Variants in CC2D2A observed in about 807,000 individuals in gnomAD.
The protein encoded by CC2D2A is coiled-coil and C2 domain containing 2A.
In CC2D2A, 155 loss-of-function variants were observed where a neutral mutation model predicts 212.9. The ratio of observed to expected loss-of-function variants is 0.73; its 90% CI spans 0.64 to 0.83. The LOEUF (loss-of-function observed/expected upper bound fraction) is 0.83, where lower values mean the gene tolerates loss of function less well. Among genes scored for constraint, CC2D2A ranks in the 40% least tolerant of loss-of-function variants. The probability of loss-of-function intolerance (pLI) is 0.00; values close to 1 mark genes in which losing one functional copy is unlikely to be tolerated. For missense variants in CC2D2A, 1,856 were observed against 1,956.2 expected, an observed-to-expected ratio of 0.95 and a Z score of 0.97; for synonymous variants, 667 against 686.5, an observed-to-expected ratio of 0.97 and a Z score of 0.44.
chr4:15,479,551 T>C (rs1464332858), intron 3 of CC2D2A, among the ~76,000 whole-genome samples: 2 of 152,086 alleles, frequency 1.3e-5, no homozygotes, highest in Non-Finnish European at 2.9e-5. Flanking sequence ...GCTCCCCCCT[T>C]GCTCAGCACA....
intron 13 of CC2D2A, among the ~76,000 whole-genome samples, chr4:15,531,368 G>C (rs555713146): frequency 6.6e-6 from 1 of 152,280 alleles, no homozygotes; most frequent in East Asian, 1.9e-4. Context: ...TCCCTTTCCA[G>C]CCATTTGTCC....
chr4:15,551,537 C>A (rs1477748458), intron 18 of CC2D2A, among the ~76,000 whole-genome samples: 1 of 152,098 alleles, frequency 6.6e-6, no homozygotes, highest in Admixed American at 6.5e-5. Context: ...GCCATGAATT[C>A]ACTTTTTGGC....
At chr4:15,551,342 T>C (rs1056097066) in intron 18 of CC2D2A, among the ~76,000 whole-genome samples, 1 of 152,188 alleles carries the variant, frequency 6.6e-6, no homozygotes, top group South Asian at 2.1e-4. Flanking sequence ...GCCCAAAAAG[T>C]TTGAAATAAT....
chr4:15,487,126 T>C (rs1214294794), intron 4 of CC2D2A, among the ~76,000 whole-genome samples: 1 of 152,140 alleles, frequency 6.6e-6, no homozygotes, highest in Non-Finnish European at 1.5e-5. Context: ...CTGCAGCTGT[T>C]GGATGAAATG....
At chr4:15,561,880 C>T (rs1422846331) in intron 23 of CC2D2A, among the ~76,000 whole-genome samples, 1 of 152,178 alleles carries the variant, frequency 6.6e-6, no homozygotes, top group Non-Finnish European at 1.5e-5. Context: ...GTCACAGTGA[C>T]CTGAGTTTGA....
At chr4:15,573,419 T>C (rs989926755) in intron 28 of CC2D2A, among the ~76,000 whole-genome samples, 5 of 152,170 alleles carry the variant, frequency 3.3e-5, no homozygotes, top group African/African-American at 1.2e-4. Context: ...GCCTCCCAAG[T>C]AGCTGGGACC....
chr4:15,480,752 G>A lies in CC2D2A; in HGVS notation c.172G>A (p.Gly58Ser). 3 of 1,612,770 alleles carry A rather than the reference G, an allele frequency of 1.9e-6. No individual in the cohort carries two copies. Among genetic ancestry groups the A allele is most frequent in the Non-Finnish European group, 2.5e-6 (3 of 1,179,466 alleles). ...KEMVSEKSHL[G>S]NPQEPVQEEP... is the part of the protein sequence containing the mutation. ...AATGGTGTCCGAAAAATCCCACCTT[G>A]GCAACCCCCAGGAGCCTGTGCAGGA... The change falls in exon 4 of 37, where the codon GGC becomes AGC. Residue 58 changes from glycine (G) to serine (S), a missense_variant. Around this residue, in one of 5 missense-constraint regions of CC2D2A, gnomAD observed 1,512 missense variants for 1,579.3 expected, o/e 0.96. Transcript: ENST00000424120.
At chr4:15,487,546 G>A (rs1383736940) in intron 4 of CC2D2A, among the ~76,000 whole-genome samples, 1 of 151,958 alleles carries the variant, frequency 6.6e-6, no homozygotes, top group Non-Finnish European at 1.5e-5. Flanking sequence ...CAGGTGAAAT[G>A]AGTTTCTTAT....
chr4:15,596,140 C>A lies in CC2D2A; in HGVS notation c.4370C>A (p.Thr1457Asn). 1 of 1,549,708 alleles carries A rather than the reference C, an allele frequency of 6.5e-7. No homozygotes were observed. The highest frequency in any genetic ancestry group is 8.7e-7 in the Non-Finnish European group (1 of 1,145,942). ...CCACTAAGGATAAATTTTGATGTCA[C>A]CAGGCCCAAGCTATGGAAATCTTTC... Reference protein sequence around the residue: ...ESPLRINFDVTRPKLWKSFFS... With the variant: ...ESPLRINFDVNRPKLWKSFFS... The change falls in exon 34 of 37, where the codon ACC becomes AAC. Residue 1457 changes from threonine (T) to asparagine (N), a missense_variant. Thr to Asn is a moderately conservative substitution (Grantham distance 65, BLOSUM62 0). Transcript: ENST00000424120.
At chr4:15,576,015 C>A (rs557071953) in intron 29 of CC2D2A, among the ~76,000 whole-genome samples, 2 of 152,304 alleles carry the variant, frequency 1.3e-5, no homozygotes, top group African/African-American at 4.8e-5. Flanking sequence ...TTTAAAGAGG[C>A]CTCCAGGGCT....
intron 16 of CC2D2A, among the ~76,000 whole-genome samples, chr4:15,539,599 T>C (rs1718314302): frequency 6.6e-6 from 1 of 152,246 alleles, no homozygotes; most frequent in Non-Finnish European, 1.5e-5. Flanking sequence ...TTTGTGCATT[T>C]TCATGTGTTC....
intron 11 of CC2D2A, among the ~76,000 whole-genome samples, chr4:15,526,121 C>G (rs1560165734): frequency 6.6e-6 from 1 of 152,150 alleles, no homozygotes. Context: ...TCTGCACATC[C>G]CAGACTTCAT....
intron 6 of CC2D2A, among the ~76,000 whole-genome samples, chr4:15,509,526 G>A (rs747512681): frequency 6.6e-6 from 1 of 152,104 alleles, no homozygotes; most frequent in Non-Finnish European, 1.5e-5. Context: ...TGCCCACCTC[G>A]GCCTCCCAAA....
At chr4:15,589,445 T>G in intron 32 of CC2D2A, 100 bp from the exon 33 acceptor site, 4 of 1,009,450 alleles carry the variant, frequency 4.0e-6, no homozygotes, top group Non-Finnish European at 5.8e-6. Context: ...ATTTCAGAAA[T>G]TAAGGGTCCA....
chr4:15,594,958 G>A (rs566981555), intron 33 of CC2D2A, among the ~76,000 whole-genome samples: 4 of 151,554 alleles, frequency 2.6e-5, no homozygotes, highest in African/African-American at 7.3e-5. Context: ...ACACCACCAC[G>A]CCTGGCTACT....
intron 16 of CC2D2A, among the ~76,000 whole-genome samples, chr4:15,540,561 A>G (rs896594898): frequency 6.6e-6 from 1 of 152,220 alleles, no homozygotes; most frequent in South Asian, 2.1e-4. Flanking sequence ...ACACAAATGT[A>G]AAGCTTGCCT....
intron 11 of CC2D2A, among the ~76,000 whole-genome samples, chr4:15,526,935 C>T (rs1459069322): frequency 6.6e-6 from 1 of 152,184 alleles, no homozygotes; most frequent in Non-Finnish European, 1.5e-5. Context: ...ATCCCTCCTC[C>T]CCATGAAGAC....
chr4:15,487,867 G>C (rs1192752840), intron 4 of CC2D2A, among the ~76,000 whole-genome samples: 2 of 150,236 alleles, frequency 1.3e-5, no homozygotes, highest in African/African-American at 2.5e-5. Context: ...CTTATAACCA[G>C]TTATTTTAAG....
intron 33 of CC2D2A, among the ~76,000 whole-genome samples, chr4:15,591,666 T>C (rs1721115106): frequency 6.6e-6 from 1 of 152,192 alleles, no homozygotes; most frequent in African/African-American, 2.4e-5. Context: ...TGGAACACCA[T>C]TCTCATGTTA....
Sources: gnomAD v4.1 joint callset for allele counts (sites outside exome capture counted in the v4.1 genomes callset) on GRCh38, gnomAD v4.1.1 for gene constraint, gnomAD v4.1.1 regional missense constraint, MANE v1.5 for transcripts, NCBI Gene and HGNC (gene_info 2026-07-23, HGNC 2026-07-21) for gene names.